Variants in VAMP1 observed in about 807,000 individuals in gnomAD.
VAMP1 encodes the protein vesicle associated membrane protein 1, also known as vesicle-associated membrane protein 1.
Under a neutral mutation model 19.1 loss-of-function variants are expected in VAMP1, and 16 were observed. The ratio of observed to expected loss-of-function variants is 0.84; its 90% confidence interval spans 0.57 to 1.27. The LOEUF is 1.27. Among genes scored for constraint, VAMP1 ranks in the 50% most tolerant of loss-of-function variants. The pLI, the probability that VAMP1 is intolerant of heterozygous loss-of-function variation, is 0.00. For missense variants in VAMP1, 109 were observed against 145.4 expected, an observed-to-expected ratio of 0.75 and a Z score of 1.29; for synonymous variants, 37 against 50.2, an observed-to-expected ratio of 0.74 and a Z score of 1.11.
At chr12:6,466,403 C>G in intron 1 of VAMP1, 52 bp from the exon 2 acceptor site, 1 of 1,577,630 alleles carries the variant, frequency 6.3e-7, no homozygotes, top group Non-Finnish European at 8.6e-7. Context: ...AAGAAAGGAG[C>G]TGGGCGTGGT....
chr12:6,462,713 G>A lies in VAMP1; in HGVS notation c.*1757C>T. 2 of 1,079,390 alleles carry A rather than the reference G, an allele frequency of 1.9e-6. No homozygotes were observed. The highest frequency in any genetic ancestry group is 2.7e-6 in the Non-Finnish European group (2 of 752,982). The allele number at this position is 1,079,390 out of a possible 1,614,324, so 66.9% of individuals were successfully genotyped here. A position where few individuals can be genotyped will look rare whatever the true frequency, so the allele number is the denominator to read the frequency against. On this transcript the variant is annotated 3_prime_UTR_variant, in exon 5 of 5. Coordinates refer to ENST00000396308, the MANE Select transcript of VAMP1 (RefSeq NM_014231.5). ...CGCTCCAGGCTTGGGACACATCGAG[G>A]ACAGTGGTGGTTCTTCTCCAGCGGT...
At position 6,463,049 on chromosome 12, in the gene VAMP1, G is replaced by C; in HGVS notation, c.*1421C>G. ...GTTCCCAGCCTGCCCTCCTCCCCTT[G>C]CACCTGGGCTTATCCCACATTAATA... is the stretch of plus-strand genomic sequence containing the variant. On this transcript the variant is annotated 3_prime_UTR_variant, in exon 5 of 5. Coordinates refer to ENST00000396308, the MANE Select transcript of VAMP1 (RefSeq NM_014231.5). The surrounding 1 kb of genome is among the most constrained non-coding windows in gnomAD (Gnocchi z 4.0). The C allele has an allele frequency of 6.5e-7, 1 of 1,542,600 alleles. No homozygotes were observed.
In VAMP1 at chr12:6,466,244, G is replaced by T. The variant is rs1334404167; in HGVS notation, c.110C>A (p.Thr37Asn). 1 of 1,614,206 alleles carries T rather than the reference G, an allele frequency of 6.2e-7. No homozygotes were observed. The highest frequency in any genetic ancestry group is 8.5e-7 in the Non-Finnish European group (1 of 1,180,044). The change falls in exon 2 of 5, where the codon ACC (threonine) becomes AAC (asparagine). Residue 37 changes from threonine to asparagine, a missense_variant. Transcript: ENST00000396308. The part of the protein sequence containing the change: ...NMTSNRRLQQ[T>N]QAQVEEVVDI... Reference sequence around the variant, plus strand: ...ACCTACCTCCTCCACTTGTGCCTGGGTTTGCTGTAGTCGTCTGTTACTGGT... The same window carrying T: ...ACCTACCTCCTCCACTTGTGCCTGGTTTTGCTGTAGTCGTCTGTTACTGGT...
intron 3 of VAMP1, 121 bp downstream of exon 3, chr12:6,465,721 C>G: frequency 7.4e-7 from 1 of 1,350,968 alleles, no homozygotes; most frequent in Non-Finnish European, 1.0e-6. Context: ...TCCTCCCAAG[C>G]GTTATGCTGG....
In VAMP1 at chr12:6,470,670, A is replaced by G. The variant is rs898982701; in HGVS notation, c.-139T>C. 1 of 1,106,716 alleles carries G rather than the reference A, an allele frequency of 9.0e-7. No individual in the cohort carries two copies. The highest frequency in any genetic ancestry group is 1.3e-5 in the South Asian group (1 of 76,172). 68.6% of individuals were successfully genotyped at this position (1,106,716 alleles called of 1,614,324 possible). A position where few individuals can be genotyped will look rare whatever the true frequency, so the allele number is the denominator to read the frequency against. On this transcript the variant is annotated 5_prime_UTR_variant, in exon 1 of 5. Transcript: ENST00000396308. ...CTACCCCGCGGTCTAGCTGCGCTGG[A>G]ACTTACTGCAGCTGCCGCGCCGGCC...
At chr12:6,467,328 T>G (rs567361521) in intron 1 of VAMP1, among the ~76,000 whole-genome samples, 1 of 152,290 alleles carries the variant, frequency 6.6e-6, no homozygotes, top group African/African-American at 2.4e-5. Context: ...TGGAACCTCC[T>G]AGAGACTTGT....
rs374381650 is a variant in VAMP1 at position 6,470,631 on chromosome 12, C to T, written c.-100G>A. On this transcript the variant is annotated 5_prime_UTR_variant, in exon 1 of 5. Coordinates refer to ENST00000396308, the MANE Select transcript of VAMP1 (RefSeq NM_014231.5). ...CTGAAGTGGACGGAACTGCCAAGCT[C>T]CGCCTCGCGCCGACTACCCCGCGGT... The T allele has an allele frequency of 2.4e-5, 37 of 1,514,970 alleles. No individual in the cohort carries two copies. Among genetic ancestry groups the T allele is most frequent in the Admixed American group, 7.1e-5 (4 of 56,254 alleles). The allele number at this position is 1,514,970 out of a possible 1,614,324, so 93.8% of individuals were successfully genotyped here.
Position 6,464,915 on chromosome 12 carries a change from A to T in VAMP1, c.315T>A (p.Cys105Ter), listed in dbSNP as rs1237437677. 1.5e-5 allele frequency: 25 copies of T among 1,613,960 alleles called. No homozygotes were observed. The highest frequency in any genetic ancestry group is 2.0e-5 in the Non-Finnish European group (24 of 1,180,012). The change falls in exon 4 of 5, where the codon TGT (cysteine) becomes TGA (stop). Residue 105 changes from cysteine to a stop codon, truncating the protein, a stop_gained. Coordinates refer to ENST00000396308, the MANE Select transcript of VAMP1 (RefSeq NM_014231.5). LOFTEE classifies it high-confidence loss of function. ...CKMMIMLGAICAIIVVVIVIY... is the reference protein window; with the variant it reads ...CKMMIMLGAI ...TTACAATAACTACCACGATGATGGC[A>T]CAGATGGCTCCCAGCATGATCATCA...
In VAMP1 at chr12:6,463,959, G is replaced by C. The variant is rs1949941049; in HGVS notation, c.*511C>G. ...CTGCACTGAAACCAAGTTGGACTTT[G>C]GTCCACCCCCAGGACCCTCTTCAGG... On this transcript the variant is annotated 3_prime_UTR_variant, in exon 5 of 5. Coordinates refer to ENST00000396308, the MANE Select transcript of VAMP1 (RefSeq NM_014231.5). The surrounding 1 kb of genome is among the most constrained non-coding windows in gnomAD (Gnocchi z 4.0). 7.8e-7 allele frequency: 1 copy of C among 1,290,034 alleles called. No homozygotes were observed. The highest frequency in any genetic ancestry group is 2.3e-5 in the Admixed American group (1 of 43,572). 79.9% of individuals were successfully genotyped at this position (1,290,034 alleles called of 1,614,324 possible).
At position 6,465,944 on chromosome 12, in the gene VAMP1, C is replaced by G. The variant is rs985285542; in HGVS notation, c.186G>C (p.Leu62=). The G allele has an allele frequency of 1.9e-6, 3 of 1,614,142 alleles. No homozygotes were observed. Among genetic ancestry groups the G allele is most frequent in the African/African-American group, 1.3e-5 (1 of 74,948 alleles). The change falls in exon 3 of 5, where the codon CTG becomes CTC. Residue 62 remains leucine (L), a synonymous_variant. Coordinates refer to ENST00000396308, the MANE Select transcript of VAMP1 (RefSeq NM_014231.5). ...CATCAGCTCGGTCATCCAGCTCTGA[C>G]AGCTTCTGGTCCCTCTCCAGGACCT... The part of the protein sequence containing the change: ...VDKVLERDQK[L]SELDDRADAL...
chr12:6,467,668 C>T (rs895975631), intron 1 of VAMP1, among the ~76,000 whole-genome samples: 5 of 152,236 alleles, frequency 3.3e-5, no homozygotes, highest in African/African-American at 1.2e-4. Context: ...GGGAAAATGT[C>T]TCCAGGCCAT....
At position 6,462,923 on chromosome 12, in the gene VAMP1, T is replaced by C; in HGVS notation, c.*1547A>G. ...TTTTGAGCAATGAAATGCTGCTGCA[T>C]GGAAAGTGGGCATCCAGACCCTGCC... On this transcript the variant is annotated 3_prime_UTR_variant, in exon 5 of 5. Transcript: ENST00000396308. 2.6e-6 allele frequency: 4 copies of C among 1,563,558 alleles called. No homozygotes were observed. The highest frequency in any genetic ancestry group is 3.5e-6 in the Non-Finnish European group (4 of 1,153,672).
Position 6,463,924 on chromosome 12 carries a change from G to C in VAMP1, c.*546C>G. ...CTACAAAAAACAAGTTTTTACTTTCGAAAAGGGTACTGCACTGAAACCAAG... is the reference window on the plus strand; with the variant it reads ...CTACAAAAAACAAGTTTTTACTTTCCAAAAGGGTACTGCACTGAAACCAAG... On this transcript the variant is annotated 3_prime_UTR_variant, in exon 5 of 5. Transcript: ENST00000396308. The surrounding 1 kb of genome is among the most constrained non-coding windows in gnomAD (Gnocchi z 4.0). 7.8e-7 allele frequency: 1 copy of C among 1,288,000 alleles called. No individual in the cohort carries two copies. The highest frequency in any genetic ancestry group is 1.0e-6 in the Non-Finnish European group (1 of 988,418). 79.8% of individuals were successfully genotyped at this position (1,288,000 alleles called of 1,614,324 possible). A position where few individuals can be genotyped will look rare whatever the true frequency, so the allele number is the denominator to read the frequency against.
At chr12:6,465,738 A>G (rs767372020) in intron 3 of VAMP1, 104 bp downstream of exon 3, 37 of 1,445,680 alleles carry the variant, frequency 2.6e-5, no homozygotes, top group Non-Finnish European at 3.2e-5. Flanking sequence ...CTGGTCAGAG[A>G]GATCCTGCAC....
chr12:6,466,050 G>A lies in VAMP1; in HGVS notation c.130-50C>T, dbSNP rs778238290. On this transcript the variant is annotated intron_variant, in intron 2 of 4. Coordinates refer to ENST00000396308, the MANE Select transcript of VAMP1 (RefSeq NM_014231.5). ...AGCTAAGCTTCCTGCCAGAGACAGAGGAAAGGACAACAACCAGAGAATCAC... is the reference window on the plus strand; with the variant it reads ...AGCTAAGCTTCCTGCCAGAGACAGAAGAAAGGACAACAACCAGAGAATCAC... 1.9e-6 allele frequency: 3 copies of A among 1,612,884 alleles called. No individual in the cohort carries two copies. The Admixed American group carries it at 5.0e-5, about 27-fold the overall frequency.
chr12:6,465,036 G>GC, intron 3 of VAMP1, 95 bp from the exon 4 acceptor site: 1 of 1,565,946 alleles, frequency 6.4e-7, no homozygotes, highest in Non-Finnish European at 8.6e-7. Flanking sequence ...TCCATCCTTG[G>GC]GACAATGGAA....
At chr12:6,470,389 C>T in intron 1 of VAMP1, 141 bp downstream of exon 1, 2 of 1,306,940 alleles carry the variant, frequency 1.5e-6, no homozygotes, top group South Asian at 1.3e-5. Context: ...TGGGGGTGGC[C>T]CGGTCCGGAA....
In VAMP1 at chr12:6,462,345, GTATGAGA is replaced by G. The variant is rs1358679910; in HGVS notation, c.*2118_*2124del. On this transcript the variant is annotated 3_prime_UTR_variant, in exon 5 of 5. Coordinates refer to ENST00000396308, the MANE Select transcript of VAMP1 (RefSeq NM_014231.5). ...CAACTGTTGTTATTACTCTATACAA[GTATGAGA>G]TCAGGGTTAGGAAAAAAAGACAAAG... is the stretch of plus-strand genomic sequence containing the variant. 1 of 551,322 alleles carries G rather than the reference GTATGAGA, an allele frequency of 1.8e-6. No homozygotes were observed. The highest frequency in any genetic ancestry group is 1.9e-5 in the African/African-American group (1 of 52,882). 34.2% of individuals were successfully genotyped at this position (551,322 alleles called of 1,614,324 possible).
intron 1 of VAMP1, among the ~76,000 whole-genome samples, chr12:6,468,200 CA>C (rs1945677686): frequency 1.3e-5 from 2 of 152,244 alleles, no homozygotes; most frequent in African/African-American, 4.8e-5. Context: ...CACAGACACT[CA>C]ATGCCAGTCC....
Sources: allele counts gnomAD v4.1 joint callset (sites outside exome capture counted in the v4.1 genomes callset), GRCh38; gene constraint gnomAD v4.1.1; non-coding constraint Gnocchi (gnomAD v3.1); transcripts MANE v1.5; gene names NCBI Gene and HGNC (gene_info 2026-07-23, HGNC 2026-07-21).